The following OSBPL1A variants were observed in gnomAD, a reference collection of about 807,000 sequenced individuals.
The protein encoded by OSBPL1A is oxysterol binding protein like 1A, also known as oxysterol-binding protein-related protein 1.
Under a neutral mutation model 137.1 loss-of-function variants are expected in OSBPL1A, and 80 were observed. That is an observed-to-expected ratio of 0.58 (90% confidence interval 0.49 to 0.70). The LOEUF (loss-of-function observed/expected upper bound fraction) is 0.70. OSBPL1A is among the 30% of genes least tolerant of loss of function. OSBPL1A has a pLI of 0.00. For synonymous variants in OSBPL1A, 365 were observed against 389.7 expected (o/e 0.94, Z 0.75); for missense variants, 970 against 1,129.4 (o/e 0.86, Z 2.02).
At chr18:24,176,902 T>C (rs1471584977) in intron 21 of OSBPL1A, among the ~76,000 whole-genome samples, 2 of 152,178 alleles carry the variant, frequency 1.3e-5, no homozygotes, top group Non-Finnish European at 1.5e-5. Flanking sequence ...TTGAGCTCCC[T>C]CCTCTTTGTG....
At chr18:24,316,254 C>A (rs1382373237) in intron 11 of OSBPL1A, among the ~76,000 whole-genome samples, 1 of 151,820 alleles carries the variant, frequency 6.6e-6, no homozygotes, top group Non-Finnish European at 1.5e-5. Flanking sequence ...GAGCGAGATT[C>A]CATCTCAAAA....
chr18:24,274,233 C>CAAAA (rs5823419), intron 15 of OSBPL1A, among the ~76,000 whole-genome samples: 8 of 110,330 alleles, frequency 7.3e-5, no homozygotes, highest in African/African-American at 9.8e-5. Context: ...GACTCCTTCA[C>CAAAA]AAAAAAAAAA....
intron 17 of OSBPL1A, among the ~76,000 whole-genome samples, chr18:24,196,822 T>G (rs2087047742): frequency 6.6e-6 from 1 of 152,154 alleles, no homozygotes; most frequent in Admixed American, 6.5e-5. Context: ...GAAAACAAAT[T>G]AACCTCTACA....
chr18:24,286,356 CTAT>C (rs1246748314), intron 14 of OSBPL1A, among the ~76,000 whole-genome samples: 3 of 152,172 alleles, frequency 2.0e-5, no homozygotes, highest in African/African-American at 7.2e-5. Context: ...AAATAGAAAT[CTAT>C]TTTTTGTTCA....
chr18:24,195,070 G>A (rs1438280774), intron 18 of OSBPL1A, among the ~76,000 whole-genome samples: 2 of 152,148 alleles, frequency 1.3e-5, no homozygotes, highest in African/African-American at 4.8e-5. Flanking sequence ...AGGCTGAGGT[G>A]GGAGGACTGC....
At chr18:24,373,672 A>T (rs770571807) in intron 2 of OSBPL1A, among the ~76,000 whole-genome samples, 30 of 152,122 alleles carry the variant, frequency 2.0e-4, no homozygotes, top group Non-Finnish European at 4.1e-4. Flanking sequence ...GTTAACCTTT[A>T]ATTCTTGCAG....
chr18:24,321,660 T>G (rs760388750), intron 7 of OSBPL1A: 2 of 517,702 alleles, frequency 3.9e-6, no homozygotes, highest in East Asian at 1.1e-4. Context: ...GCACTGGGTA[T>G]GTATGAATAA....
chr18:24,201,040 CT>C (rs2087205488), intron 17 of OSBPL1A, among the ~76,000 whole-genome samples: 1 of 151,892 alleles, frequency 6.6e-6, no homozygotes, highest in African/African-American at 2.4e-5. Context: ...AATTTTCAGG[CT>C]GAAAGCACAG....
intron 4 of OSBPL1A, among the ~76,000 whole-genome samples, chr18:24,348,947 A>G (rs1053669346): frequency 2.0e-5 from 3 of 152,014 alleles, no homozygotes; most frequent in African/African-American, 7.3e-5. Flanking sequence ...GTCTGGGATC[A>G]CTTGAGCCGA....
intron 14 of OSBPL1A, among the ~76,000 whole-genome samples, chr18:24,293,568 G>C (rs2090230660): frequency 6.6e-6 from 1 of 152,156 alleles, no homozygotes. Flanking sequence ...CTGTGTGCAG[G>C]CACCTTTTGA....
chr18:24,168,787 G>T (rs1359527839), intron 24 of OSBPL1A, among the ~76,000 whole-genome samples: 1 of 152,188 alleles, frequency 6.6e-6, no homozygotes. Flanking sequence ...GAATGAGAGA[G>T]ACCAGAAAAG....
chr18:24,338,010 A>G (rs945906472), intron 5 of OSBPL1A, among the ~76,000 whole-genome samples: 1 of 152,024 alleles, frequency 6.6e-6, no homozygotes, highest in Non-Finnish European at 1.5e-5. Flanking sequence ...ATTTGAGTGA[A>G]GGACATACAA....
intron 5 of OSBPL1A, among the ~76,000 whole-genome samples, chr18:24,338,572 T>A (rs2091221157): frequency 6.6e-6 from 1 of 152,144 alleles, no homozygotes; most frequent in Non-Finnish European, 1.5e-5. Context: ...ACAGCCCTGG[T>A]TTGGCCACAA....
chr18:24,384,957 A>T (rs1357672643), intron 1 of OSBPL1A, among the ~76,000 whole-genome samples: 1 of 143,948 alleles, frequency 6.9e-6, no homozygotes, highest in Non-Finnish European at 1.5e-5. Context: ...ATAGGTTAGA[A>T]TTTTTTTTTT....
intron 2 of OSBPL1A, 137 bp from the exon 3 acceptor site, chr18:24,368,509 C>A: frequency 1.5e-6 from 1 of 655,066 alleles, no homozygotes; most frequent in South Asian, 1.8e-5. Flanking sequence ...AGATATGTGA[C>A]CAAGAAGTGT....
chr18:24,239,083 C>G, intron 16 of OSBPL1A, 137 bp downstream of exon 16: 1 of 999,070 alleles, frequency 1.0e-6, no homozygotes, highest in East Asian at 2.6e-5. Context: ...GGAGCTATAC[C>G]AATACATCGC....
chr18:24,195,172 G>T (rs563078370), intron 18 of OSBPL1A, among the ~76,000 whole-genome samples: 5 of 152,140 alleles, frequency 3.3e-5, no homozygotes, highest in African/African-American at 1.2e-4. Flanking sequence ...GTGGCACGAC[G>T]CGCCTGTGGT....
At chr18:24,338,018 C>G (rs1201434753) in intron 5 of OSBPL1A, among the ~76,000 whole-genome samples, 1 of 151,362 alleles carries the variant, frequency 6.6e-6, no homozygotes, top group Non-Finnish European at 1.5e-5. Context: ...GAAGGACATA[C>G]AAATGTTTAC....
intron 16 of OSBPL1A, among the ~76,000 whole-genome samples, chr18:24,230,626 T>C (rs1190126640): frequency 6.6e-6 from 1 of 152,180 alleles, no homozygotes; most frequent in Non-Finnish European, 1.5e-5. Context: ...ATTTTTACAA[T>C]ATACATAGCT....
Sources: gnomAD v4.1 joint callset for allele counts (sites outside exome capture counted in the v4.1 genomes callset) on GRCh38, gnomAD v4.1.1 for gene constraint, MANE v1.5 for transcripts, NCBI Gene and HGNC (gene_info 2026-07-23, HGNC 2026-07-21) for gene names.